Variants in CFAP54 observed in about 807,000 individuals in gnomAD.
The protein encoded by CFAP54 is cilia and flagella associated protein 54, also known as cilia- and flagella-associated protein 54.
Under a neutral mutation model 370.4 loss-of-function variants are expected in CFAP54, and 290 were observed. The observed-to-expected ratio is 0.78, with a 90% CI of 0.71 to 0.86. The LOEUF (loss-of-function observed/expected upper bound fraction) is 0.86. Among genes scored for constraint, CFAP54 ranks in the 40% least tolerant of loss-of-function variants. The pLI is 0.00. For synonymous variants in CFAP54, 1,206 were observed against 1,236.5 expected, an observed-to-expected ratio of 0.98 and a Z score of 0.52; for missense variants, 3,399 against 3,528.7, an observed-to-expected ratio of 0.96 and a Z score of 0.93.
At chr12:96,606,484 T>C (rs1028760573) in intron 26 of CFAP54, among the ~76,000 whole-genome samples, 3 of 152,216 alleles carry the variant, frequency 2.0e-5, no homozygotes, top group Admixed American at 6.5e-5. Flanking sequence ...ACAATTAAAA[T>C]AGTTAACTAA....
At chr12:96,564,910 A>T (rs559560773) in intron 19 of CFAP54, 145 bp downstream of exon 19, 28 of 398,056 alleles carry the variant, frequency 7.0e-5, no homozygotes, top group African/African-American at 5.6e-4. Context: ...CATCCTGACC[A>T]GGGGAACTAA....
intron 50 of CFAP54, among the ~76,000 whole-genome samples, chr12:96,722,492 G>A (rs2136612048): frequency 6.6e-6 from 1 of 152,356 alleles, no homozygotes. Flanking sequence ...GTGAGGGGCA[G>A]AGTTGCAAGG....
intron 50 of CFAP54, among the ~76,000 whole-genome samples, chr12:96,734,684 G>A (rs1252046698): frequency 6.6e-6 from 1 of 151,840 alleles, no homozygotes; most frequent in African/African-American, 2.4e-5. Flanking sequence ...TTAAAAATTA[G>A]GTTATTTCAC....
At chr12:96,609,863 A>G (rs1956336805) in intron 26 of CFAP54, among the ~76,000 whole-genome samples, 5 of 152,354 alleles carry the variant, frequency 3.3e-5, no homozygotes, top group African/African-American at 1.2e-4. Context: ...GAACCATGGG[A>G]TCTTACTGAG....
intron 43 of CFAP54, 110 bp from the exon 44 acceptor site, chr12:96,691,018 C>T (rs930531862): frequency 2.4e-6 from 2 of 850,690 alleles, no homozygotes; most frequent in East Asian, 2.7e-5. Context: ...GTACAGTGTG[C>T]TAGGCATATA....
intron 39 of CFAP54, among the ~76,000 whole-genome samples, chr12:96,669,609 G>A (rs919146779): frequency 2.0e-5 from 3 of 152,140 alleles, no homozygotes; most frequent in Non-Finnish European, 4.4e-5. Flanking sequence ...AGTTCAAGTC[G>A]CCTTGGTTTC....
rs767698357 is a variant in CFAP54, at chr12:96,660,732, G to A, written c.5460+2386G>A. Reference sequence around the variant, plus strand: ...TCAATGCAATTTCTATACAATCTACGTGGAGATAGCATCAGACCCCAGAGG... The same window carrying A: ...TCAATGCAATTTCTATACAATCTACATGGAGATAGCATCAGACCCCAGAGG... On this transcript the variant is annotated intron_variant, in intron 38 of 67. Transcript: ENST00000524981. Among the ~76,000 whole-genome samples the A allele has an allele frequency of 6.6e-5, 10 of 152,262 alleles. 1 individual carries two copies. Among genetic ancestry groups the A allele is most frequent in the South Asian group, 4.1e-4 (2 of 4,826 alleles).
intron 63 of CFAP54, among the ~76,000 whole-genome samples, chr12:96,803,846 A>G (rs1016701712): frequency 6.6e-6 from 1 of 152,172 alleles, no homozygotes; most frequent in African/African-American, 2.4e-5. Flanking sequence ...AGGACATACT[A>G]TACAACCAAA....
intron 60 of CFAP54, among the ~76,000 whole-genome samples, chr12:96,775,103 T>G (rs554282242): frequency 4.1e-4 from 62 of 152,142 alleles, no homozygotes; most frequent in Non-Finnish European, 6.5e-4. Context: ...ATAGTCACAG[T>G]GTAAATGAAT....
At chr12:96,490,230 G>A (rs908163855) in intron 1 of CFAP54, among the ~76,000 whole-genome samples, 2 of 152,228 alleles carry the variant, frequency 1.3e-5, no homozygotes, top group African/African-American at 4.8e-5. Context: ...AAGCAGGAAA[G>A]AACCTTAAAA....
chr12:96,705,223 G>A (rs749064160), intron 47 of CFAP54, among the ~76,000 whole-genome samples: 19 of 151,970 alleles, frequency 1.3e-4, no homozygotes, highest in Non-Finnish European at 2.5e-4. Flanking sequence ...TTAAGTGCTA[G>A]GAAACAGCAT....
chr12:96,650,373 C>T (rs1017615061), intron 35 of CFAP54, among the ~76,000 whole-genome samples: 3 of 152,004 alleles, frequency 2.0e-5, no homozygotes, highest in Non-Finnish European at 4.4e-5. Flanking sequence ...ATGCATGCAC[C>T]TCTCTGCCGA....
At chr12:96,674,488 C>A (rs552958625) in intron 39 of CFAP54, among the ~76,000 whole-genome samples, 1 of 151,906 alleles carries the variant, frequency 6.6e-6, no homozygotes, top group Non-Finnish European at 1.5e-5. Flanking sequence ...AAGATAAGGG[C>A]CCTGAAGCTA....
intron 39 of CFAP54, among the ~76,000 whole-genome samples, chr12:96,667,617 T>C (rs1957096805): frequency 6.6e-6 from 1 of 152,098 alleles, no homozygotes; most frequent in Non-Finnish European, 1.5e-5. Context: ...CACACAGCAG[T>C]GGGGCCCTTG....
chr12:96,552,393 G>T (rs1955704620), intron 15 of CFAP54, among the ~76,000 whole-genome samples: 1 of 151,880 alleles, frequency 6.6e-6, no homozygotes, highest in South Asian at 2.1e-4. Flanking sequence ...ACCCAGGCTG[G>T]AGTGCAGTGG....
chr12:96,767,223 C>T (rs1468524073), intron 60 of CFAP54, among the ~76,000 whole-genome samples: 2 of 152,094 alleles, frequency 1.3e-5, no homozygotes, highest in African/African-American at 2.4e-5. Flanking sequence ...ATGACAAATT[C>T]GATGGCCAAT....
At chr12:96,693,152 CTA>C (rs926345996) in intron 44 of CFAP54, among the ~76,000 whole-genome samples, 1 of 152,162 alleles carries the variant, frequency 6.6e-6, no homozygotes, top group Non-Finnish European at 1.5e-5. Context: ...AGAATATACG[CTA>C]TGTGAAGGCA....
At chr12:96,615,428 A>G (rs1314093318) in intron 26 of CFAP54, among the ~76,000 whole-genome samples, 1 of 152,176 alleles carries the variant, frequency 6.6e-6, no homozygotes, top group Non-Finnish European at 1.5e-5. Context: ...AACCTAGGCA[A>G]TACCATTCAG....
intron 40 of CFAP54, among the ~76,000 whole-genome samples, chr12:96,681,224 T>C (rs1957267318): frequency 1.3e-5 from 2 of 152,126 alleles, no homozygotes; most frequent in South Asian, 4.1e-4. Context: ...GGTACCAAAA[T>C]ATTTTCAGTA....
Sources: allele counts gnomAD v4.1 joint callset (sites outside exome capture counted in the v4.1 genomes callset), GRCh38; gene constraint gnomAD v4.1.1; transcripts MANE v1.5; gene names NCBI Gene and HGNC (gene_info 2026-07-23, HGNC 2026-07-21).